HOOK2: variants seen among roughly 807,000 people sequenced by gnomAD.
The protein encoded by HOOK2 is protein Hook homolog 2.
HOOK2 carries 108 observed loss-of-function variants against 111.9 expected under a neutral mutation model. That is an observed-to-expected ratio of 0.96 (90% CI 0.83 to 1.13). HOOK2 has a LOEUF of 1.13. HOOK2 is among the 50% of genes most tolerant of loss of function. The probability of loss-of-function intolerance (pLI) is 0.00; values close to 1 mark genes in which losing one functional copy is unlikely to be tolerated. For missense variants in HOOK2, 978 were observed against 951.3 expected, an observed-to-expected ratio of 1.03 and a Z score of -0.37; for synonymous variants, 405 against 394.3, an observed-to-expected ratio of 1.03 and a Z score of -0.32.
intron 3 of HOOK2, among the ~76,000 whole-genome samples, chr19:12,789,195 A>AAGAG (rs58377920): frequency 6.7e-6 from 1 of 149,786 alleles, no homozygotes; most frequent in African/African-American, 2.5e-5. Flanking sequence ...GAGAGAGACA[A>AAGAG]AGAGAGAGAG....
upstream of HOOK2, among the ~76,000 whole-genome samples, chr19:12,781,690 G>A (rs1016005476): frequency 1.3e-5 from 2 of 152,038 alleles, no homozygotes; most frequent in African/African-American, 4.8e-5. Flanking sequence ...CCCATTTCGT[G>A]CCCCCTATTT....
chr19:12,791,669 C>T lies in HOOK2; in HGVS notation n.42-17444G>A, dbSNP rs1968717294. 2 of 824,424 alleles carry T rather than the reference C, an allele frequency of 2.4e-6. No individual in the cohort carries two copies. The highest frequency in any genetic ancestry group is 3.4e-5 in the Admixed American group (1 of 29,530). 51.1% of individuals were successfully genotyped at this position (824,424 alleles called of 1,614,324 possible). On this transcript the variant is annotated intron_variant and non_coding_transcript_variant, in intron 3 of 3. Coordinates refer to the HOOK2 transcript ENST00000589765. This position sits in a 1 kb window ranked among gnomAD's most constrained non-coding sequence, Gnocchi z 7.0. ...GCGCCAGCCCCCGAGAACGCGCGACCAGGCACCCAGTCCGGTCACCGCAGC... is the reference window on the plus strand; with the variant it reads ...GCGCCAGCCCCCGAGAACGCGCGACTAGGCACCCAGTCCGGTCACCGCAGC...
At chr19:12,769,774 C>G (rs1968259471) in intron 11 of HOOK2, 107 bp downstream of exon 11, 6 of 912,236 alleles carry the variant, frequency 6.6e-6, no homozygotes, top group Non-Finnish European at 9.1e-6. Context: ...AGAGCGTGGC[C>G]TACGTACAAA....
intron 3 of HOOK2, among the ~76,000 whole-genome samples, chr19:12,787,778 C>A (rs1415904974): frequency 6.6e-6 from 1 of 151,960 alleles, no homozygotes; most frequent in African/African-American, 2.4e-5. Flanking sequence ...AAAAAAGGGC[C>A]GGGCATGGTG....
upstream of HOOK2, among the ~76,000 whole-genome samples, chr19:12,781,065 G>C (rs967511420): frequency 2.0e-5 from 3 of 148,284 alleles, no homozygotes; most frequent in Non-Finnish European, 4.5e-5. Flanking sequence ...CACTTTGGGA[G>C]GCCGAGGTGG....
In HOOK2 at chr19:12,766,172, C is replaced by T. The variant is rs1281848758; in HGVS notation, c.1442G>A (p.Arg481Gln). The T allele has an allele frequency of 1.3e-6, 2 of 1,597,976 alleles. No individual in the cohort carries two copies. Among genetic ancestry groups the T allele is most frequent in the African/African-American group, 1.3e-5 (1 of 74,918 alleles). ...CAGGTGGCGCTGCAGCTCCTCCTGCCGCTCCCGGTCGGCCGCCTCCTGCCT... is the reference window on the plus strand; with the variant it reads ...CAGGTGGCGCTGCAGCTCCTCCTGCTGCTCCCGGTCGGCCGCCTCCTGCCT... The part of the protein sequence containing the change: ...LCRQEAADRE[R>Q]QEELQRHLED... The change falls in exon 15 of 23, where the codon CGG (arginine) becomes CAG (glutamine). Residue 481 changes from arginine to glutamine, a missense_variant. Physicochemically the swap from Arg to Gln is conservative, Grantham distance 43. Coordinates refer to ENST00000397668, the MANE Select transcript of HOOK2 (RefSeq NM_013312.3).
At chr19:12,775,020 C>A in intron 1 of HOOK2, 123 bp from the exon 2 acceptor site, 1 of 1,146,374 alleles carries the variant, frequency 8.7e-7, no homozygotes, top group Non-Finnish European at 1.2e-6. Context: ...TCCGCCACAG[C>A]AGCTCTGCGA....
chr19:12,785,078 G>T (rs116074241), intron 3 of HOOK2: 2,455 of 152,712 alleles, frequency 0.016, 32 homozygotes, highest in Middle Eastern at 0.058. Context: ...GTGCAGAGAG[G>T]CACAGACAGG....
chr19:12,791,466 G>A lies in HOOK2; in HGVS notation n.42-17241C>T. ...GCTGACTAGCGCGGTATAAAGGCGT[G>A]TGGCTCAGGCTGAGCGGCTGGGACC... is the stretch of plus-strand genomic sequence containing the variant. On this transcript the variant is annotated intron_variant and non_coding_transcript_variant, in intron 3 of 3. Transcript: ENST00000589765. This position sits in a 1 kb window ranked among gnomAD's most constrained non-coding sequence, Gnocchi z 7.0. 3.3e-6 allele frequency: 1 copy of A among 306,930 alleles called. No individual in the cohort carries two copies. Among genetic ancestry groups the A allele is most frequent in the Non-Finnish European group, 6.0e-6 (1 of 165,782 alleles). 19.0% of individuals were successfully genotyped at this position (306,930 alleles called of 1,614,324 possible).
intron 1 of HOOK2, chr19:12,775,123 C>T (rs1968460300): frequency 2.1e-6 from 2 of 934,144 alleles, no homozygotes; most frequent in Non-Finnish European, 2.6e-6. Context: ...AGGGTGGTAT[C>T]GCGAGTCACC....
chr19:12,779,033 CCT>C (rs1968569576), upstream of HOOK2, among the ~76,000 whole-genome samples: 1 of 152,170 alleles, frequency 6.6e-6, no homozygotes, highest in African/African-American at 2.4e-5. Flanking sequence ...GATCCAAACC[CCT>C]GTTTTAGGTA....
upstream of HOOK2, among the ~76,000 whole-genome samples, chr19:12,777,231 T>C (rs1374131336): frequency 1.3e-5 from 2 of 151,804 alleles, no homozygotes; most frequent in East Asian, 3.9e-4. Context: ...CCCAGCACTT[T>C]GGGAGGTCGA....
In HOOK2 at chr19:12,771,442, C is replaced by T. The variant is rs892540448; in HGVS notation, c.555G>A (p.Glu185=). ...AGCGCTGCTGTAATTCGTCCCCCTC[C>T]TCAGCCTCCTCACTTAGGAAATAGT... ...RRYYFLSEEA[E]EGDELQQRCL... is the part of the protein sequence containing the mutation. The change falls in exon 8 of 23, where the codon GAG becomes GAA. Residue 185 remains glutamate, a synonymous_variant. Transcript: ENST00000397668. 1 of 1,613,590 alleles carries T rather than the reference C, an allele frequency of 6.2e-7. No homozygotes were observed. The highest frequency in any genetic ancestry group is 1.1e-5 in the South Asian group (1 of 90,838).
chr19:12,765,227 G>A (rs1968112759), intron 18 of HOOK2, 146 bp from the exon 19 acceptor site: 1 of 760,816 alleles, frequency 1.3e-6, no homozygotes, highest in African/African-American at 1.7e-5. Context: ...GCCTGGGGCT[G>A]TGTGCCCTGG....
intron 10 of HOOK2, among the ~76,000 whole-genome samples, chr19:12,770,584 G>A (rs1034024954): frequency 6.6e-6 from 1 of 151,694 alleles, no homozygotes; most frequent in Non-Finnish European, 1.5e-5. Flanking sequence ...GGTACCATGG[G>A]ATCCAGGGGC....
In HOOK2 at chr19:12,765,070, T is replaced by C. The variant is rs1368783363; in HGVS notation, c.1652A>G (p.His551Arg). 6.2e-7 allele frequency: 1 copy of C among 1,614,178 alleles called. No individual in the cohort carries two copies. The highest frequency in any genetic ancestry group is 2.2e-5 in the East Asian group (1 of 44,886). ...CCTCTGCAACTCCAGATCTGCCTCA[T>C]GAAGCTTCTGCCTGTGGGCCGGGGA... is the stretch of plus-strand genomic sequence containing the variant. ...RKLEEHLQKL[H>R]EADLELQRKR... Residue 551 changes from histidine to arginine, a missense_variant, in exon 19 of 23, where the codon CAT (histidine) becomes CGT (arginine). Transcript: ENST00000397668.
chr19:12,784,915 C>T (rs1281687267), intron 3 of HOOK2: 1 of 152,340 alleles, frequency 6.6e-6, no homozygotes, highest in African/African-American at 2.4e-5. Flanking sequence ...GTTGCACACA[C>T]ATCAGAGATG....
chr19:12,764,583 C>T, intron 20 of HOOK2: 1 of 556,976 alleles, frequency 1.8e-6, no homozygotes, highest in Non-Finnish European at 3.2e-6. Flanking sequence ...CTGCCTTGAC[C>T]TCCCAAAGTG....
chr19:12,775,230 AC>A, intron 1 of HOOK2, 174 bp downstream of exon 1: 3 of 985,218 alleles, frequency 3.0e-6, no homozygotes, highest in Non-Finnish European at 3.6e-6. Context: ...TGTCCTTTCC[AC>A]GCAGACTTGC....
Sources: gnomAD v4.1 joint callset for allele counts (sites outside exome capture counted in the v4.1 genomes callset) on GRCh38, gnomAD v4.1.1 for gene constraint, Gnocchi (gnomAD v3.1) non-coding constraint, MANE v1.5 for transcripts, NCBI Gene and HGNC (gene_info 2026-07-23, HGNC 2026-07-21) for gene names.